GALNTL6: variants seen among roughly 807,000 people sequenced by gnomAD.
GALNTL6 encodes polypeptide N-acetylgalactosaminyltransferase like 6, also known as polypeptide N-acetylgalactosaminyltransferase-like 6.
A neutral mutation model predicts 73.7 loss-of-function variants in GALNTL6; 46 were observed. That is an observed-to-expected ratio of 0.62 (90% CI 0.49 to 0.80). The LOEUF (loss-of-function observed/expected upper bound fraction) is 0.80, where lower values mean the gene tolerates loss of function less well. GALNTL6 is among the 30% of genes least tolerant of loss of function. The pLI is 0.00. For synonymous variants in GALNTL6, 259 were observed against 263.7 expected, an observed-to-expected ratio of 0.98 and a Z score of 0.17; for missense variants, 604 against 755.0, an observed-to-expected ratio of 0.80 and a Z score of 2.34.
chr4:172,154,421 G>A (rs550181076), intron 2 of GALNTL6, among the ~76,000 whole-genome samples: 2 of 152,048 alleles, frequency 1.3e-5, no homozygotes, highest in African/African-American at 2.4e-5. Flanking sequence ...TAGTAGAGAC[G>A]GGGCTTCTCC....
At chr4:172,345,570 A>G (rs1320977021) in intron 4 of GALNTL6, among the ~76,000 whole-genome samples, 1 of 152,174 alleles carries the variant, frequency 6.6e-6, no homozygotes, top group African/African-American at 2.4e-5. Flanking sequence ...CATAAATAAG[A>G]GTGTTGCCTA....
At chr4:172,084,833 T>C (rs2110928165) in intron 2 of GALNTL6, among the ~76,000 whole-genome samples, 1 of 152,262 alleles carries the variant, frequency 6.6e-6, no homozygotes, top group Admixed American at 6.5e-5. Context: ...AATATGAGCA[T>C]AAGAAGGAGA....
chr4:172,837,225 T>A (rs1046943658), intron 7 of GALNTL6, among the ~76,000 whole-genome samples: 4 of 152,210 alleles, frequency 2.6e-5, no homozygotes, highest in Admixed American at 2.6e-4. Flanking sequence ...CATAAAGAAT[T>A]GTTTCAATTT....
intron 2 of GALNTL6, among the ~76,000 whole-genome samples, chr4:171,825,126 C>T (rs372509328): frequency 5.9e-5 from 9 of 152,110 alleles, no homozygotes; most frequent in East Asian, 5.8e-4. Flanking sequence ...AGTCTAGTTG[C>T]CAAAGACAAT....
intron 2 of GALNTL6, among the ~76,000 whole-genome samples, chr4:172,070,544 T>G (rs1340768043): frequency 9.1e-6 from 1 of 109,382 alleles, no homozygotes; most frequent in Non-Finnish European, 2.0e-5. Context: ...TGTCTGGCTC[T>G]CTTTCTCTTG....
chr4:172,312,371 C>A (rs1251970123), intron 4 of GALNTL6, among the ~76,000 whole-genome samples: 1 of 145,498 alleles, frequency 6.9e-6, no homozygotes, highest in African/African-American at 2.4e-5. Context: ...TCTCTATCCA[C>A]CCCCATCTAC....
chr4:171,842,644 G>A (rs576059883), intron 2 of GALNTL6, among the ~76,000 whole-genome samples: 6 of 152,158 alleles, frequency 3.9e-5, no homozygotes, highest in Admixed American at 3.9e-4. Context: ...AAGAGAGAGA[G>A]AAGGAGGAGG....
chr4:171,995,368 A>G (rs969900554), intron 2 of GALNTL6, among the ~76,000 whole-genome samples: 5 of 152,006 alleles, frequency 3.3e-5, no homozygotes, highest in African/African-American at 1.2e-4. Flanking sequence ...ACAGTGAGCA[A>G]AAGATGCAGC....
At chr4:172,155,280 G>A (rs1457115362) in intron 2 of GALNTL6, among the ~76,000 whole-genome samples, 1 of 152,164 alleles carries the variant, frequency 6.6e-6, no homozygotes, top group Non-Finnish European at 1.5e-5. Flanking sequence ...TTACAGGCGT[G>A]AGCCACCGCG....
chr4:172,454,620 G>C (rs539384353), intron 5 of GALNTL6, among the ~76,000 whole-genome samples: 1 of 152,232 alleles, frequency 6.6e-6, no homozygotes, highest in Non-Finnish European at 1.5e-5. Flanking sequence ...GTGCCCAAGT[G>C]TCCAACATAG....
intron 3 of GALNTL6, among the ~76,000 whole-genome samples, chr4:172,230,942 A>G (rs980039166): frequency 2.0e-5 from 3 of 152,128 alleles, no homozygotes; most frequent in Non-Finnish European, 4.4e-5. Flanking sequence ...TGTATCAGGT[A>G]TGGCTGACTG....
intron 2 of GALNTL6, among the ~76,000 whole-genome samples, chr4:172,131,406 A>T (rs1383712398): frequency 7.3e-6 from 1 of 137,596 alleles, no homozygotes; most frequent in Non-Finnish European, 1.5e-5. Context: ...ATGCCTTTAA[A>T]ATATATATAT....
intron 7 of GALNTL6, among the ~76,000 whole-genome samples, chr4:172,861,659 A>G (rs1744400099): frequency 1.3e-5 from 2 of 152,134 alleles, no homozygotes; most frequent in South Asian, 4.1e-4. Flanking sequence ...ATGTCATGGG[A>G]GGGACCCAGT....
At chr4:172,610,481 C>T (rs1738485310) in intron 5 of GALNTL6, among the ~76,000 whole-genome samples, 1 of 152,068 alleles carries the variant, frequency 6.6e-6, no homozygotes, top group Non-Finnish European at 1.5e-5. Context: ...TACTTAATTT[C>T]CATACAATTG....
chr4:172,802,811 AAACAAC>A (rs938478303), intron 5 of GALNTL6, among the ~76,000 whole-genome samples: 2 of 76,574 alleles, frequency 2.6e-5, no homozygotes, highest in African/African-American at 7.9e-5. Context: ...ACAAACAAAC[AAACAAC>A]AACAACAACA....
At chr4:172,497,556 TCA>T (rs1734106742) in intron 5 of GALNTL6, among the ~76,000 whole-genome samples, 1 of 152,244 alleles carries the variant, frequency 6.6e-6, no homozygotes, top group Admixed American at 6.5e-5. Flanking sequence ...ACTTGAAGCA[TCA>T]GAAGTGTCAG....
rs140402741 is a variant in GALNTL6 at position 172,872,705 on chromosome 4, T to A, written c.924-10085T>A. Among the ~76,000 whole-genome samples the A allele has an allele frequency of 3.5e-3, 538 of 152,290 alleles. 4 individuals are homozygous for A. Among genetic ancestry groups the A allele is most frequent in the Non-Finnish European group, 6.2e-3 (423 of 68,014 alleles). ...CTTAAGAGTCAAACCAGAAAAGAAA[T>A]CTCACTCTTTGTAGGCAGATCTTAC... On this transcript the variant is annotated intron_variant, in intron 7 of 12. Transcript: ENST00000506823.
At chr4:172,937,948 T>C (rs766575195) in intron 9 of GALNTL6, among the ~76,000 whole-genome samples, 83 of 152,312 alleles carry the variant, frequency 5.4e-4, no homozygotes, top group Non-Finnish European at 6.0e-4. Flanking sequence ...CCATATATAT[T>C]TGATATTAAC....
chr4:172,105,317 G>A (rs888231492), intron 2 of GALNTL6, among the ~76,000 whole-genome samples: 77 of 151,944 alleles, frequency 5.1e-4, no homozygotes, highest in African/African-American at 1.8e-3. Context: ...ATAAAGACAC[G>A]GAAGACATGA....
Sources: allele counts gnomAD v4.1 joint callset (sites outside exome capture counted in the v4.1 genomes callset), GRCh38; gene constraint gnomAD v4.1.1; transcripts MANE v1.5; gene names NCBI Gene and HGNC (gene_info 2026-07-23, HGNC 2026-07-21).